Variants in DPP10 observed in about 807,000 individuals in gnomAD.
DPP10 encodes inactive dipeptidyl peptidase 10.
In DPP10, 33 loss-of-function variants were observed where a neutral mutation model predicts 120.9. The ratio of observed to expected loss-of-function variants is 0.27; its 90% CI spans 0.21 to 0.37. The LOEUF (loss-of-function observed/expected upper bound fraction) is 0.37, where lower values mean the gene tolerates loss of function less well. Among genes scored for constraint, DPP10 ranks in the 10% least tolerant of loss-of-function variants. The pLI is 1.00. For missense variants in DPP10, 816 were observed against 942.8 expected, an observed-to-expected ratio of 0.87 and a Z score of 1.76; for synonymous variants, 337 against 326.1, an observed-to-expected ratio of 1.03 and a Z score of -0.36.
At chr2:115,022,975 C>T (rs901651307) in intron 1 of DPP10, among the ~76,000 whole-genome samples, 4 of 152,102 alleles carry the variant, frequency 2.6e-5, no homozygotes, top group African/African-American at 4.8e-5. Flanking sequence ...GGATCCTCAC[C>T]TTTCACCTTA....
intron 1 of DPP10, among the ~76,000 whole-genome samples, chr2:115,062,865 CT>C (rs1409069210): frequency 1.3e-5 from 2 of 152,142 alleles, no homozygotes; most frequent in East Asian, 3.9e-4. Flanking sequence ...ATGCATGTAT[CT>C]TTATAATAGA....
intron 1 of DPP10, among the ~76,000 whole-genome samples, chr2:114,794,496 A>T (rs1175161393): frequency 6.6e-6 from 1 of 152,176 alleles, no homozygotes; most frequent in Non-Finnish European, 1.5e-5. Context: ...GACAAGGGAG[A>T]TCAGTGAGTG....
chr2:114,658,029 T>TTG (rs1027629087), intron 1 of DPP10, among the ~76,000 whole-genome samples: 2 of 152,172 alleles, frequency 1.3e-5, no homozygotes, highest in Admixed American at 6.6e-5. Flanking sequence ...AAATACGTAT[T>TTG]TGTGTGTGTG....
At chr2:114,524,890 C>T (rs1685367070) in intron 1 of DPP10, among the ~76,000 whole-genome samples, 1 of 152,088 alleles carries the variant, frequency 6.6e-6, no homozygotes, top group Admixed American at 6.6e-5. Flanking sequence ...TCATTGAATC[C>T]CATTCCTTCT....
chr2:114,686,765 A>G (rs1224944790), intron 1 of DPP10, among the ~76,000 whole-genome samples: 1 of 151,922 alleles, frequency 6.6e-6, no homozygotes, highest in Admixed American at 6.6e-5. Context: ...TGTAGTCAAG[A>G]GCTTCTTTGT....
chr2:115,372,683 C>T (rs939268818), intron 3 of DPP10, among the ~76,000 whole-genome samples: 4 of 152,166 alleles, frequency 2.6e-5, no homozygotes, highest in Non-Finnish European at 4.4e-5. Flanking sequence ...GGATCAGAGA[C>T]CAGATTGCTG....
chr2:114,485,235 C>T (rs536308047), intron 1 of DPP10, among the ~76,000 whole-genome samples: 1 of 152,112 alleles, frequency 6.6e-6, no homozygotes, highest in Admixed American at 6.6e-5. Context: ...CTTTCTTACT[C>T]ACAGTTCATG....
chr2:114,768,599 A>G (rs891722458), intron 1 of DPP10, among the ~76,000 whole-genome samples: 13 of 152,102 alleles, frequency 8.5e-5, no homozygotes, highest in African/African-American at 3.1e-4. Flanking sequence ...TACTTTCCCC[A>G]TCTCAAGGGT....
At chr2:115,803,483 G>C (rs1685520617) in intron 19 of DPP10, among the ~76,000 whole-genome samples, 1 of 152,142 alleles carries the variant, frequency 6.6e-6, no homozygotes, top group Non-Finnish European at 1.5e-5. Flanking sequence ...TATGATGTTA[G>C]CTGGTTATTT....
intron 21 of DPP10, among the ~76,000 whole-genome samples, chr2:115,816,577 T>C (rs1481886866): frequency 1.3e-5 from 2 of 151,692 alleles, no homozygotes; most frequent in African/African-American, 2.4e-5. Context: ...AGACCTCATA[T>C]AGATATTTAT....
intron 1 of DPP10, among the ~76,000 whole-genome samples, chr2:115,160,044 T>C (rs12613673): frequency 0.46 from 69,181 of 151,996 alleles, 15,758 homozygotes; most frequent in Non-Finnish European, 0.48. Context: ...TTCTGAATAA[T>C]GCAGATGCCC....
At chr2:115,011,615 C>A (rs185808713) in intron 1 of DPP10, among the ~76,000 whole-genome samples, 113 of 151,270 alleles carry the variant, frequency 7.5e-4, no homozygotes, top group Admixed American at 1.3e-3. Flanking sequence ...TTTTTTATTT[C>A]TTTAATTTTA....
intron 1 of DPP10, among the ~76,000 whole-genome samples, chr2:114,997,556 TA>T (rs1242405971): frequency 6.6e-5 from 10 of 151,716 alleles, no homozygotes; most frequent in African/African-American, 2.4e-4. Flanking sequence ...AACATTACCT[TA>T]AAAAAGTGTA....
intron 5 of DPP10, among the ~76,000 whole-genome samples, chr2:115,624,692 C>T (rs1190390943): frequency 6.6e-6 from 1 of 152,122 alleles, no homozygotes; most frequent in Non-Finnish European, 1.5e-5. Flanking sequence ...AGATGGTTGG[C>T]ATGCAATAAA....
intron 1 of DPP10, among the ~76,000 whole-genome samples, chr2:114,923,539 C>A (rs759771112): frequency 1.1e-4 from 14 of 124,696 alleles, no homozygotes; most frequent in Non-Finnish European, 1.9e-4. Flanking sequence ...AGTGCAATGG[C>A]GTGATCTCAG....
chr2:114,854,428 T>G (rs1200020018), intron 1 of DPP10, among the ~76,000 whole-genome samples: 1 of 152,172 alleles, frequency 6.6e-6, no homozygotes, highest in Non-Finnish European at 1.5e-5. Flanking sequence ...TTCCATCCAG[T>G]GTTCAAAAGC....
chr2:114,644,194 G>A (rs906257652), intron 1 of DPP10, among the ~76,000 whole-genome samples: 12 of 149,652 alleles, frequency 8.0e-5, no homozygotes, highest in African/African-American at 2.2e-4. Flanking sequence ...TGCCTGCCTC[G>A]GCCTCCCAAA....
In DPP10 at chr2:115,711,100, G is replaced by A. The variant is rs60680420; in HGVS notation, c.577-16716G>A. Among the ~76,000 whole-genome samples the A allele has an allele frequency of 4.4e-3, 677 of 152,210 alleles. 6 individuals carry two copies. Among genetic ancestry groups the A allele is most frequent in the African/African-American group, 0.015 (629 of 41,544 alleles). On this transcript the variant is annotated intron_variant, in intron 7 of 25. Transcript: ENST00000410059. ...AATACTTTGGGCAAAACTGAAATTC[G>A]TATAGCACAATAGCATGCAGATAAA...
At chr2:115,628,405 A>C (rs2085544126) in intron 5 of DPP10, among the ~76,000 whole-genome samples, 1 of 152,054 alleles carries the variant, frequency 6.6e-6, no homozygotes, top group Non-Finnish European at 1.5e-5. Context: ...TTCCTTGTAA[A>C]TTTTGGATAT....
Sources: gnomAD v4.1 joint callset for allele counts (sites outside exome capture counted in the v4.1 genomes callset) on GRCh38, gnomAD v4.1.1 for gene constraint, MANE v1.5 for transcripts, NCBI Gene and HGNC (gene_info 2026-07-23, HGNC 2026-07-21) for gene names.